BMS1: variants seen among roughly 807,000 people sequenced by gnomAD.
The protein encoded by BMS1 is BMS1 ribosome biogenesis factor.
BMS1 carries 53 observed loss-of-function variants against 138.7 expected under a neutral mutation model. The ratio of observed to expected loss-of-function variants is 0.38; its 90% CI spans 0.31 to 0.48. The LOEUF (loss-of-function observed/expected upper bound fraction) is 0.48, where lower values mean the gene tolerates loss of function less well. Ranked by LOEUF, BMS1 falls within the 20% of genes least tolerant of loss-of-function variation. The pLI is 0.97. For synonymous variants in BMS1, 504 were observed against 539.9 expected, an observed-to-expected ratio of 0.93 and a Z score of 0.92; for missense variants, 1,360 against 1,565.5, an observed-to-expected ratio of 0.87 and a Z score of 2.22.
At chr10:42,791,863 G>C (rs996532336) in intron 6 of BMS1, 94 bp downstream of exon 6, 49 of 1,420,482 alleles carry the variant, frequency 3.4e-5, no homozygotes, top group Non-Finnish European at 4.4e-5. Context: ...ATTTTGTGCC[G>C]ATTTGAATAG....
rs1842569502 is a variant in BMS1, at chr10:42,823,829, C to T, written c.3456+45C>T. 8.6e-6 allele frequency: 12 copies of T among 1,395,840 alleles called. No individual in the cohort carries two copies. The East Asian group carries it at 1.8e-4, about 21-fold the overall frequency. The allele number at this position is 1,395,840 out of a possible 1,614,324, so 86.5% of individuals were successfully genotyped here. On this transcript the variant is annotated intron_variant, in intron 21 of 22. Coordinates refer to ENST00000374518, the MANE Select transcript of BMS1 (RefSeq NM_014753.4). ...TAGTGGAGATGAAGCCTGTGCTCTA[C>T]AGACAGGGAGTCACACAGACACTTT...
In BMS1 at chr10:42,796,560, C is replaced by G; in HGVS notation, c.1316C>G (p.Ser439Cys). The stretch of plus-strand genomic sequence containing the variant: ...GCCATTTTCGGAGATGAAGATGAAT[C>G]TGGAGATAGTGATGATGAAGAAGAT... The part of the protein sequence containing the change: ...RKAIFGDEDE[S>C]GDSDDEEDDE... The change falls in exon 10 of 23, where the codon TCT (serine) becomes TGT (cysteine). Residue 439 changes from serine (S) to cysteine (C), a missense_variant. Ser to Cys is a moderately radical substitution (Grantham distance 112). Around this residue, in one of 3 missense-constraint regions of BMS1, gnomAD observed 697 missense variants for 686.2 expected, o/e 1.02. Coordinates refer to ENST00000374518, the MANE Select transcript of BMS1 (RefSeq NM_014753.4). 6.2e-7 allele frequency: 1 copy of G among 1,614,114 alleles called. No homozygotes were observed. The highest frequency in any genetic ancestry group is 1.1e-5 in the South Asian group (1 of 91,070).
At chr10:42,797,400 A>G in intron 10 of BMS1, 22 bp from the exon 11 acceptor site, 1 of 1,612,604 alleles carries the variant, frequency 6.2e-7, no homozygotes, top group Non-Finnish European at 8.5e-7. Flanking sequence ...GCCTAACTGG[A>G]GGTTGGCATT....
intron 21 of BMS1, among the ~76,000 whole-genome samples, chr10:42,825,622 T>G (rs1279356645): frequency 6.6e-6 from 1 of 152,250 alleles, no homozygotes; most frequent in Non-Finnish European, 1.5e-5. Context: ...TGCAACTGAT[T>G]TTTATATATT....
At chr10:42,817,979 G>A (rs1046954068) in intron 15 of BMS1, among the ~76,000 whole-genome samples, 1 of 152,218 alleles carries the variant, frequency 6.6e-6, no homozygotes, top group African/African-American at 2.4e-5. Flanking sequence ...AAGGTCAGAT[G>A]CAGAAATAAA....
In BMS1 at chr10:42,792,512, C is replaced by A; in HGVS notation, c.799C>A (p.Pro267Thr). ...LADRMEDLTN[P>T]EDIRTNIKCD... ...TTCTAGGATGGAAGATTTGACAAACCCAGAGGATATCCGAACAAACATCAA... is the reference window on the plus strand; with the variant it reads ...TTCTAGGATGGAAGATTTGACAAACACAGAGGATATCCGAACAAACATCAA... Residue 267 changes from proline (P) to threonine (T), a missense_variant, in exon 7 of 23, where the codon CCA becomes ACA. Physicochemically the swap from Pro to Thr is conservative, Grantham distance 38. This residue lies in a region of BMS1 where 697 missense variants were observed against 686.2 expected (regional missense o/e 1.02). Coordinates refer to ENST00000374518, the MANE Select transcript of BMS1 (RefSeq NM_014753.4). The A allele has an allele frequency of 6.2e-7, 1 of 1,611,668 alleles. No homozygotes were observed. The highest frequency in any genetic ancestry group is 2.2e-5 in the East Asian group (1 of 44,868).
rs181935580 is a variant in BMS1, at chr10:42,827,343, G to A, written c.3457-2918G>A. On this transcript the variant is annotated intron_variant, in intron 21 of 22. Transcript: ENST00000374518. ...ACCGAGTCTCAGGTATTCTGTTACA[G>A]CCACACTAAATGGCCTGAGACAGTG... is the stretch of plus-strand genomic sequence containing the variant. Among the ~76,000 whole-genome samples, 902 of 152,304 alleles carry A rather than the reference G, an allele frequency of 5.9e-3. 3 individuals are homozygous for A. The highest frequency in any genetic ancestry group is 0.021 in the African/African-American group (856 of 41,548).
At chr10:42,817,619 C>T (rs183257670) in intron 15 of BMS1, 125 bp downstream of exon 15, 15 of 923,702 alleles carry the variant, frequency 1.6e-5, no homozygotes, top group African/African-American at 1.4e-4. Context: ...GCCTTTCATT[C>T]GGACTCCTGG....
In BMS1 at chr10:42,792,371, C is replaced by T. The variant is rs1238786700; in HGVS notation, c.780-122C>T. The T allele has an allele frequency of 4.4e-6, 6 of 1,363,014 alleles. No homozygotes were observed. In the South Asian group the frequency reaches 7.1e-5, roughly 16 times the overall value. 84.4% of individuals were successfully genotyped at this position (1,363,014 alleles called of 1,614,324 possible). On this transcript the variant is annotated intron_variant, in intron 6 of 22. Transcript: ENST00000374518. ...GGTGAATGGTGCCTCCTTATTTCTG[C>T]ATTTTCTAGTTTTCTAAATGACGTG...
intron 14 of BMS1, among the ~76,000 whole-genome samples, chr10:42,816,876 C>T (rs1004168211): frequency 6.6e-6 from 1 of 152,190 alleles, no homozygotes; most frequent in Non-Finnish European, 1.5e-5. Context: ...CCGTTTCTTG[C>T]CATAGTCATT....
intron 1 of BMS1, among the ~76,000 whole-genome samples, chr10:42,783,049 G>C (rs997299915): frequency 1.4e-4 from 21 of 152,112 alleles, no homozygotes; most frequent in African/African-American, 5.1e-4. Flanking sequence ...GAGGGAAGGT[G>C]GCTGGGCGAC....
chr10:42,831,268 T>G lies in BMS1; in HGVS notation c.*172T>G. 1 of 681,448 alleles carries G rather than the reference T, an allele frequency of 1.5e-6. No homozygotes were observed. Among genetic ancestry groups the G allele is most frequent in the Non-Finnish European group, 2.5e-6 (1 of 406,410 alleles). 42.2% of individuals were successfully genotyped at this position (681,448 alleles called of 1,614,324 possible). On this transcript the variant is annotated 3_prime_UTR_variant, in exon 23 of 23. Coordinates refer to ENST00000374518, the MANE Select transcript of BMS1 (RefSeq NM_014753.4). Reference sequence around the variant, plus strand: ...GAAGCCTGGGCTGCTGGGACTGGGTTCATTCTCATGACTTGGGGCTGTCGA... The same window carrying G: ...GAAGCCTGGGCTGCTGGGACTGGGTGCATTCTCATGACTTGGGGCTGTCGA...
In BMS1 at chr10:42,831,874, A is replaced by C. The variant is rs1842807256; in HGVS notation, c.*778A>C. 6.6e-6 allele frequency: 1 copy of C among 152,222 alleles called. No homozygotes were observed. Among genetic ancestry groups the C allele is most frequent in the Non-Finnish European group, 1.5e-5 (1 of 68,038 alleles). The allele number at this position is 152,222 out of a possible 1,614,324, so 9.4% of individuals were successfully genotyped here. A position where few individuals can be genotyped will look rare whatever the true frequency, so the allele number is the denominator to read the frequency against. On this transcript the variant is annotated 3_prime_UTR_variant, in exon 23 of 23. Coordinates refer to ENST00000374518, the MANE Select transcript of BMS1 (RefSeq NM_014753.4). Reference sequence around the variant, plus strand: ...TTTTTTAAATTAAACATTATGTTGAAGTAATCATACTATTACATAGGCGAT... The same window carrying C: ...TTTTTTAAATTAAACATTATGTTGACGTAATCATACTATTACATAGGCGAT...
At chr10:42,821,615 C>T (rs1427771759) in intron 18 of BMS1, among the ~76,000 whole-genome samples, 2 of 132,438 alleles carry the variant, frequency 1.5e-5, no homozygotes, top group Non-Finnish European at 3.1e-5. Context: ...TGCAGTGGCA[C>T]GATCTTGGCT....
intron 21 of BMS1, among the ~76,000 whole-genome samples, chr10:42,829,776 A>G (rs1297114421): frequency 2.6e-5 from 4 of 152,158 alleles, no homozygotes; most frequent in Non-Finnish European, 4.4e-5. Flanking sequence ...AGCCGAGATC[A>G]CGGCACTGCT....
chr10:42,789,968 G>A (rs1235245965), intron 4 of BMS1, among the ~76,000 whole-genome samples: 1 of 152,138 alleles, frequency 6.6e-6, no homozygotes, highest in African/African-American at 2.4e-5. Flanking sequence ...TATCCTAGTG[G>A]ACATTGTCTT....
rs1676446704 is a variant in BMS1 at position 42,834,638 on chromosome 10, G to A, written c.*3542G>A. 1 of 152,140 alleles carries A rather than the reference G, an allele frequency of 6.6e-6. No individual in the cohort carries two copies. The highest frequency in any genetic ancestry group is 1.5e-5 in the Non-Finnish European group (1 of 68,040). 9.4% of individuals were successfully genotyped at this position (152,140 alleles called of 1,614,324 possible). A position where few individuals can be genotyped will look rare whatever the true frequency, so the allele number is the denominator to read the frequency against. On this transcript the variant is annotated 3_prime_UTR_variant, in exon 23 of 23. Coordinates refer to ENST00000374518, the MANE Select transcript of BMS1 (RefSeq NM_014753.4). ...TTAAATGCCAAAGGTGTTTTATTAT[G>A]AGACTTAGCATTTCATATTTGGGGA...
At chr10:42,798,398 G>T in intron 11 of BMS1, 70 bp from the exon 12 acceptor site, 2 of 1,583,352 alleles carry the variant, frequency 1.3e-6, no homozygotes, top group Non-Finnish European at 8.6e-7. Context: ...TGGCCTAACT[G>T]GTTGAAAATG....
At chr10:42,783,013 GA>G (rs1841203118) in intron 1 of BMS1, among the ~76,000 whole-genome samples, 183 bp downstream of exon 1, 1 of 152,028 alleles carries the variant, frequency 6.6e-6, no homozygotes, top group African/African-American at 2.4e-5. Context: ...GTGACGTGAT[GA>G]ATCCCTGCAG....
Sources: gnomAD v4.1 joint callset for allele counts (sites outside exome capture counted in the v4.1 genomes callset) on GRCh38, gnomAD v4.1.1 for gene constraint, gnomAD v4.1.1 regional missense constraint, MANE v1.5 for transcripts, NCBI Gene and HGNC (gene_info 2026-07-23, HGNC 2026-07-21) for gene names.